Variants in NTRK3 observed in about 807,000 individuals in gnomAD.
NTRK3 encodes neurotrophic receptor tyrosine kinase 3.
In NTRK3, 24 loss-of-function variants were observed where a neutral mutation model predicts 91.7. The observed-to-expected ratio is 0.26, with a 90% confidence interval of 0.19 to 0.37. The LOEUF (loss-of-function observed/expected upper bound fraction) is 0.37, where lower values mean the gene tolerates loss of function less well. Among genes scored for constraint, NTRK3 ranks in the 10% least tolerant of loss-of-function variants. NTRK3 has a pLI of 1.00. For synonymous variants in NTRK3, 483 were observed against 404.0 expected (o/e 1.20, Z -2.34); for missense variants, 880 against 1,068.9 (o/e 0.82, Z 2.46).
chr15:88,206,716 G>GGA (rs1326912922), intron 3 of NTRK3, among the ~76,000 whole-genome samples: 1 of 151,316 alleles, frequency 6.6e-6, no homozygotes, highest in Non-Finnish European at 1.5e-5. Context: ...CTGGTTCTGA[G>GGA]GAGAAACCCA....
chr15:87,933,251 G>C, intron 15 of NTRK3, 67 bp from the exon 16 acceptor site: 1 of 1,503,746 alleles, frequency 6.7e-7, no homozygotes. Flanking sequence ...TCTACTCCTG[G>C]AAAGAAACTG....
intron 13 of NTRK3, among the ~76,000 whole-genome samples, chr15:88,103,348 T>C (rs2050369740): frequency 6.6e-6 from 1 of 152,110 alleles, no homozygotes; most frequent in African/African-American, 2.4e-5. Context: ...AACTCCTGCC[T>C]GAGTTCCCAG....
chr15:88,010,306 A>T (rs2076783927), intron 14 of NTRK3, among the ~76,000 whole-genome samples: 1 of 152,120 alleles, frequency 6.6e-6, no homozygotes, highest in African/African-American at 2.4e-5. Flanking sequence ...TTCTTTCTCT[A>T]AAACACGGCT....
intron 13 of NTRK3, among the ~76,000 whole-genome samples, chr15:88,111,667 A>G (rs1005079078): frequency 1.3e-5 from 2 of 152,182 alleles, no homozygotes; most frequent in African/African-American, 4.8e-5. Flanking sequence ...GACTAAGAGC[A>G]TGTGGCTTGG....
intron 14 of NTRK3, among the ~76,000 whole-genome samples, chr15:87,995,489 A>G (rs927752158): frequency 6.6e-6 from 1 of 152,242 alleles, no homozygotes; most frequent in African/African-American, 2.4e-5. Context: ...ACTGACAGCC[A>G]TAGTGGGGAA....
intron 14 of NTRK3, among the ~76,000 whole-genome samples, chr15:87,973,383 C>A (rs1596474325): frequency 6.6e-6 from 1 of 152,102 alleles, no homozygotes; most frequent in East Asian, 1.9e-4. Context: ...TCAGAACCAC[C>A]CAAAAAAGCA....
chr15:88,015,438 G>A (rs773638864), intron 14 of NTRK3, among the ~76,000 whole-genome samples: 3 of 152,004 alleles, frequency 2.0e-5, no homozygotes, highest in South Asian at 4.2e-4. Flanking sequence ...TGCTACGGTG[G>A]CCTGGAAGGC....
intron 3 of NTRK3, among the ~76,000 whole-genome samples, chr15:88,200,640 G>A (rs1382536670): frequency 6.6e-6 from 1 of 152,208 alleles, no homozygotes; most frequent in African/African-American, 2.4e-5. Flanking sequence ...GAAGAAGGAT[G>A]TTTTTGCTTC....
intron 14 of NTRK3, among the ~76,000 whole-genome samples, chr15:88,001,837 T>C (rs373476224): frequency 2.0e-5 from 3 of 152,256 alleles, no homozygotes; most frequent in East Asian, 1.9e-4. Context: ...GATTTTCCTA[T>C]AGGTTTTAGG....
intron 6 of NTRK3, among the ~76,000 whole-genome samples, chr15:88,142,432 G>C (rs2042474687): frequency 1.3e-5 from 2 of 152,248 alleles, no homozygotes; most frequent in Non-Finnish European, 2.9e-5. Flanking sequence ...ATCTGAGTTT[G>C]TAAGGACAGG....
chr15:87,956,452 T>C (rs759816603), intron 14 of NTRK3, among the ~76,000 whole-genome samples: 20 of 152,234 alleles, frequency 1.3e-4, no homozygotes, highest in Non-Finnish European at 2.5e-4. Flanking sequence ...GTTTGTATTT[T>C]TAGTAGAGAC....
chr15:88,148,246 A>G (rs2043061974), intron 5 of NTRK3, among the ~76,000 whole-genome samples: 1 of 152,246 alleles, frequency 6.6e-6, no homozygotes, highest in Non-Finnish European at 1.5e-5. Flanking sequence ...TTATACACAC[A>G]CATATGCTTA....
chr15:88,117,492 A>G (rs1455364104), intron 13 of NTRK3, among the ~76,000 whole-genome samples: 1 of 152,240 alleles, frequency 6.6e-6, no homozygotes, highest in Non-Finnish European at 1.5e-5. Flanking sequence ...TTCAGGATAG[A>G]CAAAGGAGCT....
intron 13 of NTRK3, among the ~76,000 whole-genome samples, chr15:88,094,362 A>C (rs1011344404): frequency 6.7e-6 from 1 of 149,268 alleles, no homozygotes; most frequent in Non-Finnish European, 1.5e-5. Flanking sequence ...CCAGCTACTC[A>C]GGAGGCTGAG....
intron 13 of NTRK3, among the ~76,000 whole-genome samples, chr15:88,076,729 A>G (rs2047578877): frequency 6.6e-6 from 1 of 151,698 alleles, no homozygotes; most frequent in Admixed American, 6.6e-5. Context: ...AAGGAAAAGT[A>G]CAGTGTACTA....
chr15:87,899,890 G>A (rs1356298155), intron 17 of NTRK3, among the ~76,000 whole-genome samples: 1 of 152,170 alleles, frequency 6.6e-6, no homozygotes, highest in Non-Finnish European at 1.5e-5. Context: ...TAAGGGCAAG[G>A]AGAAGGTGGA....
At chr15:88,077,318 T>A (rs2047636201) in intron 13 of NTRK3, among the ~76,000 whole-genome samples, 1 of 152,068 alleles carries the variant, frequency 6.6e-6, no homozygotes, top group Admixed American at 6.5e-5. Context: ...CAATGTTTTA[T>A]CTTGAGTCAC....
rs2079353510 is a variant in NTRK3, at chr15:88,039,120, C to G, written c.1397-6075G>C. On this transcript the variant is annotated intron_variant, in intron 13 of 18. Transcript: ENST00000394480. The stretch of plus-strand genomic sequence containing the variant: ...GCTTTGATGTCTATTGAGCCCTCAA[C>G]ACACACACACACACACACACACACA... Among the ~76,000 whole-genome samples the G allele has an allele frequency of 3.9e-4, 3 of 7,746 alleles. No homozygotes were observed. In the Non-Finnish European group the frequency reaches 0.012, roughly 31 times the overall value. 5.1% of individuals were successfully genotyped at this position (7,746 alleles called of 152,430 possible).
chr15:87,970,902 T>G (rs2073202238), intron 14 of NTRK3, among the ~76,000 whole-genome samples: 1 of 152,116 alleles, frequency 6.6e-6, no homozygotes, highest in African/African-American at 2.4e-5. Flanking sequence ...ACAGACCAAT[T>G]TATGCAGGAT....
Sources: allele counts gnomAD v4.1 joint callset (sites outside exome capture counted in the v4.1 genomes callset), GRCh38; gene constraint gnomAD v4.1.1; transcripts MANE v1.5; gene names NCBI Gene and HGNC (gene_info 2026-07-23, HGNC 2026-07-21).